MYPN: variants seen among roughly 807,000 people sequenced by gnomAD.
MYPN encodes the protein sarcomeric protein myopalladin, 145 kDa (MYOP).
Under a neutral mutation model 129.4 loss-of-function variants are expected in MYPN, and 63 were observed. That is an observed-to-expected ratio of 0.49 (90% CI 0.40 to 0.60). The LOEUF is 0.60. MYPN is among the 20% of genes least tolerant of loss of function. The pLI is 0.00. For synonymous variants in MYPN, 629 were observed against 600.9 expected, an observed-to-expected ratio of 1.05 and a Z score of -0.68; for missense variants, 1,596 against 1,635.4, an observed-to-expected ratio of 0.98 and a Z score of 0.42.
chr10:68,102,418 T>C (rs978784175), upstream of MYPN, among the ~76,000 whole-genome samples: 1 of 152,164 alleles, frequency 6.6e-6, no homozygotes, highest in Non-Finnish European at 1.5e-5. Flanking sequence ...GTGAGCCACT[T>C]CACCTGCTGT....
chr10:68,137,767 T>TA (rs2042509991), intron 2 of MYPN, among the ~76,000 whole-genome samples: 1 of 152,186 alleles, frequency 6.6e-6, no homozygotes, highest in South Asian at 2.1e-4. Context: ...GTTTTTTTTT[T>TA]ACTTGAAATG....
chr10:68,110,437 T>C lies in MYPN; in HGVS notation c.-2+714T>C, dbSNP rs192979907. Among the ~76,000 whole-genome samples, 7 of 152,330 alleles carry C rather than the reference T, an allele frequency of 4.6e-5. No homozygotes were observed. In the East Asian group the frequency reaches 9.6e-4, roughly 21 times the overall value. On this transcript the variant is annotated intron_variant, in intron 1 of 19. Transcript: ENST00000358913. ...AAGACAGAGAAAAGATGGATTATTA[T>C]GTATTTCCAGTCCTCAAAAGTGAAC...
At chr10:68,108,921 A>G (rs2042044794), upstream of MYPN, among the ~76,000 whole-genome samples, 1 of 152,132 alleles carries the variant, frequency 6.6e-6, no homozygotes, top group South Asian at 2.1e-4. Context: ...GGGTTTCGCC[A>G]TGTAGGCCAG....
At chr10:68,152,584 AGTT>A (rs1364327489) in intron 6 of MYPN, among the ~76,000 whole-genome samples, 2 of 152,156 alleles carry the variant, frequency 1.3e-5, no homozygotes, top group African/African-American at 4.8e-5. Context: ...ATAGGTAAAA[AGTT>A]GTTATTATTT....
intron 2 of MYPN, among the ~76,000 whole-genome samples, chr10:68,138,165 C>T (rs1029219740): frequency 1.3e-5 from 2 of 149,450 alleles, no homozygotes; most frequent in African/African-American, 2.5e-5. Context: ...TGCAGTGCCG[C>T]GATTTTGGCT....
chr10:68,100,692 A>G (rs1299895032), intron 1 of MYPN, among the ~76,000 whole-genome samples: 1 of 152,198 alleles, frequency 6.6e-6, no homozygotes, highest in African/African-American at 2.4e-5. Flanking sequence ...GCACCTGTGG[A>G]CGAACCCTTG....
intron 15 of MYPN, among the ~76,000 whole-genome samples, chr10:68,195,964 G>C (rs1341233929): frequency 1.3e-5 from 2 of 151,900 alleles, no homozygotes; most frequent in African/African-American, 4.8e-5. Flanking sequence ...CACCATGCTG[G>C]CTCAATTTTT....
At chr10:68,093,856 T>C (rs190375990) in intron 1 of MYPN, among the ~76,000 whole-genome samples, 8 of 152,262 alleles carry the variant, frequency 5.3e-5, no homozygotes, top group African/African-American at 1.9e-4. Flanking sequence ...TTCTTGATTA[T>C]ATGCTAAACA....
chr10:68,170,004 C>A (rs2043120861), intron 10 of MYPN, among the ~76,000 whole-genome samples: 1 of 152,154 alleles, frequency 6.6e-6, no homozygotes, highest in Non-Finnish European at 1.5e-5. Flanking sequence ...TCCCAAAGTG[C>A]TGGGATTACA....
intron 2 of MYPN, chr10:68,136,549 A>G: frequency 7.0e-7 from 1 of 1,431,516 alleles, no homozygotes; most frequent in Non-Finnish European, 9.1e-7. Context: ...CTAATTTCTA[A>G]GTGGGTCATG....
At chr10:68,094,198 T>C (rs2041944595) in intron 1 of MYPN, among the ~76,000 whole-genome samples, 1 of 152,102 alleles carries the variant, frequency 6.6e-6, no homozygotes, top group Non-Finnish European at 1.5e-5. Context: ...TGTCTCATCC[T>C]GTGACTAAGA....
intron 12 of MYPN, among the ~76,000 whole-genome samples, chr10:68,182,471 T>TATATATAC (rs780542025): frequency 0.06 from 6,222 of 104,536 alleles, 625 homozygotes; most frequent in Non-Finnish European, 0.066. Context: ...ATAACATATA[T>TATATATAC]ACACACACAC....
intron 1 of MYPN, among the ~76,000 whole-genome samples, chr10:68,091,756 G>A (rs973036451): frequency 6.6e-6 from 1 of 151,242 alleles, no homozygotes; most frequent in Non-Finnish European, 1.5e-5. Context: ...TGTGCTTGAG[G>A]CATTCTGGTT....
At chr10:68,208,963 T>C (rs935249769) in intron 19 of MYPN, among the ~76,000 whole-genome samples, 1 of 152,160 alleles carries the variant, frequency 6.6e-6, no homozygotes, top group Admixed American at 6.5e-5. Flanking sequence ...CCTTACTGAG[T>C]GTCTGCTCTT....
upstream of MYPN, chr10:68,106,007 C>T (rs1241451014): frequency 2.9e-6 from 1 of 346,376 alleles, no homozygotes; most frequent in Non-Finnish European, 5.7e-6. Context: ...GCAATCTGTT[C>T]TAAATGACTG....
In MYPN at chr10:68,201,969, AT is replaced by A; in HGVS notation, c.3635del (p.Ile1212ThrfsTer103). The A allele has an allele frequency of 3.7e-6, 6 of 1,614,046 alleles. No homozygotes were observed. The highest frequency in any genetic ancestry group is 5.1e-6 in the Non-Finnish European group (6 of 1,179,962). On this transcript the variant is annotated frameshift_variant, in exon 18 of 20. Coordinates refer to ENST00000358913, the MANE Select transcript of MYPN (RefSeq NM_032578.4). LOFTEE classifies it high-confidence loss of function. ...VFYWKKDNETIPCTRERISMH... is the reference protein window; with the variant it reads ...VFYWKKDNETXPCTRERISMH... ...CTACTGGAAGAAAGACAATGAGACCATCCCTTGCACCAGAGAGAGGATCAGG... is the reference window on the plus strand; with the variant it reads ...CTACTGGAAGAAAGACAATGAGACCACCCTTGCACCAGAGAGAGGATCAGG...
At position 68,174,115 on chromosome 10, in the gene MYPN, C is replaced by A; in HGVS notation, c.2023C>A (p.His675Asn). The A allele has an allele frequency of 6.2e-7, 1 of 1,614,154 alleles. No individual in the cohort carries two copies. The highest frequency in any genetic ancestry group is 8.5e-7 in the Non-Finnish European group (1 of 1,180,024). ...QLHNQVLLEQ[H>N]QLQNPPPSSP... ...TCATAACCAAGTCTTACTGGAACAA[C>A]ACCAATTGCAAAACCCACCTCCTTC... Residue 675 changes from histidine to asparagine, a missense_variant, in exon 11 of 20, where the codon CAC becomes AAC. Physicochemically the swap from His to Asn is moderately conservative, Grantham distance 68 (BLOSUM62 1). Coordinates refer to ENST00000358913, the MANE Select transcript of MYPN (RefSeq NM_032578.4).
chr10:68,127,688 T>A (rs35258894), intron 2 of MYPN, among the ~76,000 whole-genome samples: 12,764 of 151,906 alleles, frequency 0.084, 666 homozygotes, highest in Non-Finnish European at 0.13. Context: ...TGAAGAGGGG[T>A]GGGGTAGAGA....
chr10:68,189,426 T>C lies in MYPN; in HGVS notation c.2925+300T>C, dbSNP rs189061544. Among the ~76,000 whole-genome samples, 143 of 152,294 alleles carry C rather than the reference T, an allele frequency of 9.4e-4. 1 individual carries two copies. The highest frequency in any genetic ancestry group is 3.3e-3 in the Admixed American group (50 of 15,288). Reference sequence around the variant, plus strand: ...ATATACAAGTTATTATTAACTATAATTTTTCCACTGTGCTATCAAGTACTA... The same window carrying C: ...ATATACAAGTTATTATTAACTATAACTTTTCCACTGTGCTATCAAGTACTA... On this transcript the variant is annotated intron_variant, in intron 13 of 19. Coordinates refer to ENST00000358913, the MANE Select transcript of MYPN (RefSeq NM_032578.4).
Sources: gnomAD v4.1 joint callset for allele counts (sites outside exome capture counted in the v4.1 genomes callset) on GRCh38, gnomAD v4.1.1 for gene constraint, MANE v1.5 for transcripts, NCBI Gene and HGNC (gene_info 2026-07-23, HGNC 2026-07-21) for gene names.